STIL: variants seen among roughly 807,000 people sequenced by gnomAD.
STIL encodes the protein STIL centriolar assembly protein.
STIL carries 55 observed loss-of-function variants against 110.1 expected under a neutral mutation model. That is an observed-to-expected ratio of 0.50 (90% CI 0.40 to 0.63). The LOEUF is 0.63. Ranked by LOEUF, STIL falls within the 20% of genes least tolerant of loss-of-function variation. The probability of loss-of-function intolerance (pLI) is 0.00; values close to 1 mark genes in which losing one functional copy is unlikely to be tolerated. For missense variants in STIL, 1,358 were observed against 1,530.0 expected, an observed-to-expected ratio of 0.89 and a Z score of 1.87; for synonymous variants, 481 against 530.0, an observed-to-expected ratio of 0.91 and a Z score of 1.27.
At chr1:47,276,817 A>T (rs1385862127) in intron 12 of STIL, among the ~76,000 whole-genome samples, 4 of 73,304 alleles carry the variant, frequency 5.5e-5, no homozygotes, top group African/African-American at 2.9e-4. Context: ...CTGCCTAAAA[A>T]AAAAAAAAAA....
At chr1:47,287,724 A>C (rs888391456) in intron 9 of STIL, 64 bp from the exon 10 acceptor site, 43 of 1,298,298 alleles carry the variant, frequency 3.3e-5, no homozygotes, top group Non-Finnish European at 4.6e-5. Context: ...AATTCTATTT[A>C]GATGAAAAGT....
At chr1:47,299,710 T>C in intron 6 of STIL, 195 bp downstream of exon 6, 1 of 597,640 alleles carries the variant, frequency 1.7e-6, no homozygotes, top group East Asian at 3.5e-5. Context: ...CAATTTTTTG[T>C]AGGTGGTGGC....
At chr1:47,297,084 C>G (rs1306144990) in intron 6 of STIL, among the ~76,000 whole-genome samples, 2 of 152,158 alleles carry the variant, frequency 1.3e-5, no homozygotes, top group East Asian at 3.9e-4. Flanking sequence ...TGGCTCATGC[C>G]TGTAATTCCA....
At chr1:47,294,528 T>C (rs1310965273) in intron 7 of STIL, among the ~76,000 whole-genome samples, 1 of 152,176 alleles carries the variant, frequency 6.6e-6, no homozygotes, top group East Asian at 1.9e-4. Context: ...CTACAAAATA[T>C]ACAAAACCTA....
chr1:47,295,162 C>A lies in STIL; in HGVS notation c.785+603G>T, dbSNP rs145135410. Among the ~76,000 whole-genome samples, 178 of 152,152 alleles carry A rather than the reference C, an allele frequency of 1.2e-3. 1 individual carries two copies. The highest frequency in any genetic ancestry group is 4.1e-3 in the African/African-American group (172 of 41,546). ...GGCCTTGAACTCCTGACCTCGAACT[C>A]CTGACCTCAGGTGATCCGCCCACCT... On this transcript the variant is annotated intron_variant, in intron 7 of 16. Coordinates refer to ENST00000371877, the MANE Select transcript of STIL (RefSeq NM_001048166.1).
chr1:47,279,048 A>C (rs950658266), intron 12 of STIL, among the ~76,000 whole-genome samples: 1 of 152,132 alleles, frequency 6.6e-6, no homozygotes, highest in Non-Finnish European at 1.5e-5. Context: ...CTGTAATCCC[A>C]ACACTTTGGG....
chr1:47,280,937 C>G lies in STIL; in HGVS notation c.1521G>C (p.Gln507His), dbSNP rs756252807. The G allele has an allele frequency of 8.1e-6, 13 of 1,614,010 alleles. No individual in the cohort carries two copies. The highest frequency in any genetic ancestry group is 1.0e-5 in the Non-Finnish European group (12 of 1,179,998). Reference sequence around the variant, plus strand: ...GGTTCCCTTTCTTATAGGCAGGTGGCTGTCTTACTTTGCAGTGTCTCAAAA... The same window carrying G: ...GGTTCCCTTTCTTATAGGCAGGTGGGTGTCTTACTTTGCAGTGTCTCAAAA... ...PALLRHCKVR[Q>H]PPAYKKGNPH... is the part of the protein sequence containing the mutation. Residue 507 changes from glutamine to histidine, a missense_variant, in exon 12 of 17, where the codon CAG becomes CAC. Gln to His is a conservative substitution (Grantham distance 24, BLOSUM62 0). Transcript: ENST00000371877.
intron 2 of STIL, 91 bp downstream of exon 2, chr1:47,310,185 C>A: frequency 7.6e-7 from 1 of 1,314,188 alleles, no homozygotes. Flanking sequence ...TTTCCTGATT[C>A]TAAAGATTAT....
chr1:47,289,347 T>C (rs1645407875), intron 9 of STIL, 88 bp downstream of exon 9: 2 of 1,016,440 alleles, frequency 2.0e-6, no homozygotes, highest in Non-Finnish European at 3.0e-6. Context: ...TGGATTACTA[T>C]TTTAAAGGGT....
intron 2 of STIL, among the ~76,000 whole-genome samples, chr1:47,307,889 T>C (rs573360974): frequency 7.2e-5 from 11 of 152,348 alleles, no homozygotes; most frequent in Admixed American, 6.5e-4. Flanking sequence ...CTGTCTCTTA[T>C]GGTCGAGATT....
At position 47,300,152 on chromosome 1, in the gene STIL, C is replaced by T. The variant is rs765459227; in HGVS notation, c.454G>A (p.Ala152Thr). 1.2e-6 allele frequency: 2 copies of T among 1,612,280 alleles called. No homozygotes were observed. Among genetic ancestry groups the T allele is most frequent in the Non-Finnish European group, 8.5e-7 (1 of 1,179,520 alleles). ...SVDDFSSALK[A>T]LQCHICSKDS... is the part of the protein sequence containing the mutation. ...TTGCTACATATATGGCACTGTAGAGCCTGAGAAATCAATATTAAATAATTA... is the reference window on the plus strand; with the variant it reads ...TTGCTACATATATGGCACTGTAGAGTCTGAGAAATCAATATTAAATAATTA... The change falls in exon 6 of 17, where the codon GCT becomes ACT. Residue 152 changes from alanine to threonine, a missense_variant and splice_region_variant. By Grantham distance (58) the Ala-to-Thr change is moderately conservative (BLOSUM62 0). Transcript: ENST00000371877.
chr1:47,287,876 A>G (rs550219969), intron 9 of STIL, among the ~76,000 whole-genome samples: 1 of 152,216 alleles, frequency 6.6e-6, no homozygotes, highest in South Asian at 2.1e-4. Context: ...TAACTATGAA[A>G]TGAGAATACC....
At chr1:47,267,965 A>T (rs951341685) in intron 14 of STIL, among the ~76,000 whole-genome samples, 1 of 152,210 alleles carries the variant, frequency 6.6e-6, no homozygotes, top group African/African-American at 2.4e-5. Context: ...ATTATTTTAC[A>T]AATCACCATA....
chr1:47,252,909 A>G (rs1395445036), intron 16 of STIL, among the ~76,000 whole-genome samples: 2 of 152,056 alleles, frequency 1.3e-5, no homozygotes, highest in African/African-American at 2.4e-5. Flanking sequence ...AATATCACAT[A>G]TATAATAAAT....
At chr1:47,273,400 A>G (rs1366911558) in intron 12 of STIL, among the ~76,000 whole-genome samples, 1 of 152,130 alleles carries the variant, frequency 6.6e-6, no homozygotes, top group Non-Finnish European at 1.5e-5. Flanking sequence ...GTCTAACATG[A>G]TTTCTATCTC....
At chr1:47,272,294 T>G (rs1644865325) in intron 12 of STIL, 53 bp from the exon 13 acceptor site, 2 of 1,593,588 alleles carry the variant, frequency 1.3e-6, no homozygotes, top group South Asian at 2.2e-5. Context: ...TCAACAAAAC[T>G]GGCAGCAGTT....
Position 47,251,485 on chromosome 1 carries a change from T to A in STIL, c.3518A>T (p.Lys1173Met). The change falls in exon 17 of 17, where the codon AAG becomes ATG. Residue 1173 changes from lysine to methionine, a missense_variant. Lys to Met is a moderately conservative substitution (Grantham distance 95, BLOSUM62 -1). Coordinates refer to ENST00000371877, the MANE Select transcript of STIL (RefSeq NM_001048166.1). ...ACAATTAATTATTTCATGGTCATTC[T>A]TAGAAGGCTCTTTCTGACCACCAAG... is the stretch of plus-strand genomic sequence containing the variant. ...EQLGGQKEPS[K>M]NDHEIINCSN... 1 of 1,614,248 alleles carries A rather than the reference T, an allele frequency of 6.2e-7. No homozygotes were observed.
chr1:47,289,813 C>G (rs1182206034), intron 8 of STIL, among the ~76,000 whole-genome samples: 1 of 151,502 alleles, frequency 6.6e-6, no homozygotes, highest in African/African-American at 2.4e-5. Flanking sequence ...CTCTACAAAA[C>G]AAAATTTTAT....
rs1289676190 is a variant in STIL at position 47,282,403 on chromosome 1, A to G, written c.1190T>C (p.Val397Ala). Residue 397 changes from valine to alanine, a missense_variant, in exon 11 of 17, where the codon GTT becomes GCT. Val to Ala is a moderately conservative substitution (Grantham distance 64). Transcript: ENST00000371877. ...TCTTGGAGAAAAATCTTCATCTTCA[A>G]CACCAGAGTCGTGATCATGTATTGG... Reference protein sequence around the residue: ...KMPIHDHDSGVEDEDFSPRPI... With the variant: ...KMPIHDHDSGAEDEDFSPRPI... The G allele has an allele frequency of 1.9e-6, 3 of 1,613,278 alleles. No individual in the cohort carries two copies. The highest frequency in any genetic ancestry group is 1.3e-5 in the African/African-American group (1 of 74,914).
Sources: allele counts gnomAD v4.1 joint callset (sites outside exome capture counted in the v4.1 genomes callset), GRCh38; gene constraint gnomAD v4.1.1; transcripts MANE v1.5; gene names NCBI Gene and HGNC (gene_info 2026-07-23, HGNC 2026-07-21).